Variants in BNC2 observed in about 807,000 individuals in gnomAD.
The protein encoded by BNC2 is zinc finger protein basonuclin-2.
Under a neutral mutation model 76.3 loss-of-function variants are expected in BNC2, and 20 were observed. That is an observed-to-expected ratio of 0.26 (90% CI 0.18 to 0.38). BNC2 has a LOEUF of 0.38. Ranked by LOEUF, BNC2 falls within the 10% of genes least tolerant of loss-of-function variation. The pLI is 1.00. For synonymous variants in BNC2, 582 were observed against 514.8 expected, an observed-to-expected ratio of 1.13 and a Z score of -1.77; for missense variants, 1,382 against 1,399.8, an observed-to-expected ratio of 0.99 and a Z score of 0.20.
chr9:16,493,538 G>A (rs1221459647), intron 5 of BNC2, among the ~76,000 whole-genome samples: 1 of 152,152 alleles, frequency 6.6e-6, no homozygotes, highest in Non-Finnish European at 1.5e-5. Context: ...TAATCTTCCA[G>A]TTCTATGCTG....
At chr9:16,520,316 G>A (rs1365119359) in intron 5 of BNC2, among the ~76,000 whole-genome samples, 1 of 152,190 alleles carries the variant, frequency 6.6e-6, no homozygotes, top group South Asian at 2.1e-4. Flanking sequence ...TTATGTGAGT[G>A]ATTTTGAGGG....
At chr9:16,537,110 A>G (rs2132304475) in intron 5 of BNC2, among the ~76,000 whole-genome samples, 1 of 152,242 alleles carries the variant, frequency 6.6e-6, no homozygotes, top group South Asian at 2.1e-4. Flanking sequence ...TAGAAGCTCC[A>G]GATTTAACAT....
chr9:16,431,197 T>C (rs1820901415), intron 6 of BNC2, among the ~76,000 whole-genome samples: 1 of 152,166 alleles, frequency 6.6e-6, no homozygotes. Flanking sequence ...TTAAGACAAA[T>C]ATAAATAGAT....
At chr9:16,726,472 CA>C (rs1824321464) in intron 3 of BNC2, among the ~76,000 whole-genome samples, 1 of 144,080 alleles carries the variant, frequency 6.9e-6, no homozygotes, top group Admixed American at 7.2e-5. Flanking sequence ...TATAGCCTGG[CA>C]AATTGTTTTT....
intron 1 of BNC2, among the ~76,000 whole-genome samples, chr9:16,854,419 C>G (rs764556081): frequency 2.2e-4 from 34 of 152,164 alleles, no homozygotes; most frequent in Non-Finnish European, 4.3e-4. Flanking sequence ...CATACTCCCT[C>G]TTGATTTCTA....
chr9:16,564,361 C>T (rs977539539), intron 4 of BNC2, among the ~76,000 whole-genome samples: 1 of 152,104 alleles, frequency 6.6e-6, no homozygotes, highest in African/African-American at 2.4e-5. Flanking sequence ...AAAATCAAGA[C>T]CAAGCTAAGA....
At chr9:16,759,540 A>G (rs1825491539) in intron 1 of BNC2, among the ~76,000 whole-genome samples, 1 of 152,162 alleles carries the variant, frequency 6.6e-6, no homozygotes, top group African/African-American at 2.4e-5. Context: ...CATAGGAAGA[A>G]AAAAGGAATA....
intron 5 of BNC2, among the ~76,000 whole-genome samples, chr9:16,524,384 G>A (rs141899705): frequency 9.2e-5 from 14 of 152,190 alleles, no homozygotes; most frequent in Admixed American, 1.3e-4. Flanking sequence ...GTAAGGAGAC[G>A]CCAGAGTGCA....
intron 5 of BNC2, among the ~76,000 whole-genome samples, chr9:16,496,794 G>C (rs1169160709): frequency 6.6e-6 from 1 of 152,170 alleles, no homozygotes; most frequent in African/African-American, 2.4e-5. Context: ...CCCAGGCTAT[G>C]GTGAGAAAAC....
Position 16,435,889 on chromosome 9 carries a change from G to A in BNC2, c.2305C>T (p.Gln769Ter). 6.2e-7 allele frequency: 1 copy of A among 1,613,890 alleles called. No individual in the cohort carries two copies. The highest frequency in any genetic ancestry group is 8.5e-7 in the Non-Finnish European group (1 of 1,179,862). ...TCTTCCTTCACCTTGATGACGTCCT[G>A]GTGAGAGGGCTCACTGTGGTTCTCA... ...PDENHSEPSHQDVIKVKEEFT... is the reference protein window; with the variant it reads ...PDENHSEPSH The change falls in exon 6 of 7, where the codon CAG becomes TAG. Residue 769 changes from glutamine (Q) to a stop codon, truncating the protein, a stop_gained. Transcript: ENST00000380672. LOFTEE classifies it high-confidence loss of function.
intron 5 of BNC2, among the ~76,000 whole-genome samples, chr9:16,440,630 G>T (rs962905320): frequency 6.6e-6 from 1 of 152,166 alleles, no homozygotes; most frequent in Non-Finnish European, 1.5e-5. Flanking sequence ...CCCACCTGAG[G>T]CATCTCATTT....
At chr9:16,849,352 A>ATTTTTTTTTTTTTTTTTTTTTTTTTTTT (rs35561834) in intron 1 of BNC2, among the ~76,000 whole-genome samples, 3 of 90,086 alleles carry the variant, frequency 3.3e-5, no homozygotes, top group Non-Finnish European at 4.0e-5. Flanking sequence ...CATGCAAAAG[A>ATTTTTTTTTTTTTTTTTTTTTTTTTTTT]TTTTTTTTTT....
At chr9:16,638,954 T>C (rs1766152927) in intron 3 of BNC2, among the ~76,000 whole-genome samples, 1 of 152,172 alleles carries the variant, frequency 6.6e-6, no homozygotes, top group African/African-American at 2.4e-5. Context: ...TAATAATGTC[T>C]AGCATAGCAA....
Position 16,444,950 on chromosome 9 carries a change from TG to T in BNC2, c.670-7427del, listed in dbSNP as rs200466560. On this transcript the variant is annotated intron_variant, in intron 5 of 6. Coordinates refer to ENST00000380672, the MANE Select transcript of BNC2 (RefSeq NM_017637.6). Reference sequence around the variant, plus strand: ...TTTCAGAGTCATTTTTTCCCTTTTTTGTTAGATTATGTTTATCTCTCTAATT... The same window carrying T: ...TTTCAGAGTCATTTTTTCCCTTTTTTTTAGATTATGTTTATCTCTCTAATT... Among the ~76,000 whole-genome samples the T allele has an allele frequency of 7.6e-3, 1,152 of 152,330 alleles. 17 individuals are homozygous for T. The highest frequency in any genetic ancestry group is 0.026 in the African/African-American group (1,090 of 41,578).
At position 16,659,334 on chromosome 9, in the gene BNC2, G is replaced by A. The variant is rs146675403; in HGVS notation, c.330+68463C>T. On this transcript the variant is annotated intron_variant, in intron 3 of 6. Transcript: ENST00000380672. ...CTTCTCAAAATCCCAAGCTTGCGGC[G>A]GGCACAGTGGCTCACGCGTAATCAC... Among the ~76,000 whole-genome samples the A allele has an allele frequency of 9.7e-4, 147 of 152,234 alleles. 2 individuals are homozygous for A. The South Asian group carries it at 0.018, about 19-fold the overall frequency.
At chr9:16,520,068 T>C (rs1168288814) in intron 5 of BNC2, among the ~76,000 whole-genome samples, 1 of 152,230 alleles carries the variant, frequency 6.6e-6, no homozygotes, top group Non-Finnish European at 1.5e-5. Flanking sequence ...TTGGCTACCA[T>C]AATCTGACTT....
chr9:16,819,312 T>C (rs1335400421), intron 1 of BNC2, among the ~76,000 whole-genome samples: 1 of 152,180 alleles, frequency 6.6e-6, no homozygotes, highest in Non-Finnish European at 1.5e-5. Context: ...AAGTCTACCA[T>C]AGCAGCAGAA....
chr9:16,486,842 C>T (rs1382145500), intron 5 of BNC2, among the ~76,000 whole-genome samples: 1 of 152,112 alleles, frequency 6.6e-6, no homozygotes, highest in African/African-American at 2.4e-5. Flanking sequence ...CCTCCTGCCT[C>T]AGCCTCCTGA....
rs754125807 is a variant in BNC2 at position 16,435,883 on chromosome 9, C to T, written c.2311G>A (p.Val771Ile). The part of the protein sequence containing the change: ...ENHSEPSHQD[V>I]IKVKEEFTDP... Reference sequence around the variant, plus strand: ...GTAAATTCTTCCTTCACCTTGATGACGTCCTGGTGAGAGGGCTCACTGTGG... The same window carrying T: ...GTAAATTCTTCCTTCACCTTGATGATGTCCTGGTGAGAGGGCTCACTGTGG... Residue 771 changes from valine to isoleucine, a missense_variant, in exon 6 of 7, where the codon GTC becomes ATC. Transcript: ENST00000380672. 7.4e-6 allele frequency: 12 copies of T among 1,613,686 alleles called. No homozygotes were observed. The highest frequency in any genetic ancestry group is 1.7e-5 in the Admixed American group (1 of 59,988).
Sources: allele counts gnomAD v4.1 joint callset (sites outside exome capture counted in the v4.1 genomes callset), GRCh38; gene constraint gnomAD v4.1.1; transcripts MANE v1.5; gene names NCBI Gene and HGNC (gene_info 2026-07-23, HGNC 2026-07-21).